Variants in DNM3 observed in about 807,000 individuals in gnomAD.
DNM3 encodes the protein dynamin 3, also known as dynamin-3.
DNM3 carries 47 observed loss-of-function variants against 101.6 expected under a neutral mutation model. The ratio of observed to expected loss-of-function variants is 0.46; its 90% CI spans 0.37 to 0.59. The LOEUF is 0.59. Ranked by LOEUF, DNM3 falls within the 20% of genes least tolerant of loss-of-function variation. The probability of loss-of-function intolerance (pLI) is 0.00; values close to 1 mark genes in which losing one functional copy is unlikely to be tolerated. For synonymous variants in DNM3, 385 were observed against 387.9 expected, an observed-to-expected ratio of 0.99 and a Z score of 0.09; for missense variants, 849 against 1,085.7, an observed-to-expected ratio of 0.78 and a Z score of 3.06.
rs72713729 is a variant in DNM3 at position 171,898,136 on chromosome 1, C to T, written c.162-23612C>T. On this transcript the variant is annotated intron_variant, in intron 1 of 20. Coordinates refer to ENST00000627582, the MANE Select transcript of DNM3 (RefSeq NM_015569.5). ...TTTACTTTTAACAATCTGGCATTTTCTACATTTTATGGATGGAAATAATAA... is the reference window on the plus strand; with the variant it reads ...TTTACTTTTAACAATCTGGCATTTTTTACATTTTATGGATGGAAATAATAA... Among the ~76,000 whole-genome samples, 434 of 152,212 alleles carry T rather than the reference C, an allele frequency of 2.9e-3. 1 individual carries two copies. The highest frequency in any genetic ancestry group is 5.3e-3 in the Non-Finnish European group (360 of 67,950).
chr1:171,907,784 G>A (rs2038954563), intron 1 of DNM3, among the ~76,000 whole-genome samples: 2 of 152,172 alleles, frequency 1.3e-5, no homozygotes, highest in Admixed American at 1.3e-4. Context: ...TGTAACTCCA[G>A]TGGGACTTAA....
chr1:172,046,516 T>C (rs1244548890), intron 9 of DNM3, among the ~76,000 whole-genome samples: 1 of 151,324 alleles, frequency 6.6e-6, no homozygotes, highest in Non-Finnish European at 1.5e-5. Context: ...GTAACTAACC[T>C]GCACATTGTG....
intron 13 of DNM3, among the ~76,000 whole-genome samples, chr1:172,097,589 T>C (rs1210386974): frequency 6.6e-6 from 1 of 151,758 alleles, no homozygotes; most frequent in Non-Finnish European, 1.5e-5. Context: ...GATGAGAACA[T>C]AGAAAGGAAT....
At chr1:172,050,805 C>T (rs1386516307) in intron 10 of DNM3, among the ~76,000 whole-genome samples, 1 of 152,136 alleles carries the variant, frequency 6.6e-6, no homozygotes, top group Non-Finnish European at 1.5e-5. Flanking sequence ...CAGATCTTGG[C>T]CTTACATCAA....
chr1:172,131,028 G>C (rs2056910118), intron 13 of DNM3, 147 bp from the exon 14 acceptor site: 1 of 676,518 alleles, frequency 1.5e-6, no homozygotes, highest in Admixed American at 2.5e-5. Flanking sequence ...AAATTCTCTT[G>C]AATAACTCAA....
intron 1 of DNM3, among the ~76,000 whole-genome samples, chr1:171,856,869 T>G (rs1057056353): frequency 6.6e-6 from 1 of 152,228 alleles, no homozygotes; most frequent in Non-Finnish European, 1.5e-5. Flanking sequence ...TTCTCTTGCC[T>G]GAAGAAGCAG....
intron 14 of DNM3, among the ~76,000 whole-genome samples, chr1:172,142,844 G>A (rs888992357): frequency 4.0e-5 from 6 of 149,630 alleles, no homozygotes; most frequent in Non-Finnish European, 7.4e-5. Flanking sequence ...TATATTTCTT[G>A]AAAAAATGAG....
intron 6 of DNM3, among the ~76,000 whole-genome samples, chr1:172,034,742 A>G (rs912336622): frequency 2.0e-5 from 3 of 152,104 alleles, no homozygotes; most frequent in Admixed American, 2.0e-4. Context: ...GATAATTTAT[A>G]TGGAAAATGC....
chr1:172,127,089 C>T (rs1340848020), intron 13 of DNM3, among the ~76,000 whole-genome samples: 1 of 152,020 alleles, frequency 6.6e-6, no homozygotes, highest in Admixed American at 6.6e-5. Context: ...CTACTGGTTG[C>T]CTCAATATCA....
intron 17 of DNM3, among the ~76,000 whole-genome samples, chr1:172,328,547 CAA>C (rs1207000393): frequency 2.0e-5 from 3 of 152,072 alleles, no homozygotes; most frequent in African/African-American, 4.8e-5. Context: ...TACCAAATAC[CAA>C]ATACCACAGG....
chr1:171,982,952 G>C (rs2044921176), intron 2 of DNM3, among the ~76,000 whole-genome samples: 1 of 152,086 alleles, frequency 6.6e-6, no homozygotes, highest in Non-Finnish European at 1.5e-5. Flanking sequence ...GCCCTGGCAT[G>C]TTTGTTTCTT....
intron 14 of DNM3, among the ~76,000 whole-genome samples, chr1:172,207,820 A>T (rs1394081286): frequency 1.3e-5 from 2 of 152,120 alleles, no homozygotes; most frequent in African/African-American, 2.4e-5. Context: ...TAGAATTTAA[A>T]AAATCACCTT....
intron 1 of DNM3, among the ~76,000 whole-genome samples, chr1:171,879,141 C>T (rs78460330): frequency 0.014 from 2,184 of 152,268 alleles, 59 homozygotes; most frequent in African/African-American, 0.048. Context: ...TGCTCACACT[C>T]AGTAAAACTA....
At chr1:172,020,536 T>C (rs538537084) in intron 4 of DNM3, among the ~76,000 whole-genome samples, 20 of 151,780 alleles carry the variant, frequency 1.3e-4, no homozygotes, top group Non-Finnish European at 2.4e-4. Flanking sequence ...CTGGCTAACA[T>C]GGTGAAACCC....
At chr1:172,210,865 G>A (rs771967143) in intron 14 of DNM3, among the ~76,000 whole-genome samples, 6 of 151,970 alleles carry the variant, frequency 3.9e-5, no homozygotes, top group South Asian at 2.1e-4. Context: ...CATTCCTAGC[G>A]ATAGCAAAAG....
chr1:171,877,777 C>A (rs952196839), intron 1 of DNM3, among the ~76,000 whole-genome samples: 1 of 152,212 alleles, frequency 6.6e-6, no homozygotes, highest in African/African-American at 2.4e-5. Context: ...GGCATGTTCT[C>A]ATTAACCCAA....
intron 8 of DNM3, 38 bp from the exon 9 acceptor site, chr1:172,044,347 A>C: frequency 6.5e-7 from 1 of 1,535,192 alleles, no homozygotes; most frequent in Non-Finnish European, 8.9e-7. Context: ...ATTCAAAGGA[A>C]TTAAGTGTCA....
At chr1:172,379,237 T>C in intron 18 of DNM3, 55 bp downstream of exon 18, 1 of 1,387,424 alleles carries the variant, frequency 7.2e-7, no homozygotes, top group Non-Finnish European at 9.8e-7. Flanking sequence ...AGTGTGGAAG[T>C]TGCACATATT....
At chr1:172,054,054 G>A (rs1309306594) in intron 10 of DNM3, among the ~76,000 whole-genome samples, 1 of 152,148 alleles carries the variant, frequency 6.6e-6, no homozygotes, top group Admixed American at 6.5e-5. Context: ...GTGAAAATAA[G>A]TAATTCCAGC....
Sources: allele counts gnomAD v4.1 joint callset (sites outside exome capture counted in the v4.1 genomes callset), GRCh38; gene constraint gnomAD v4.1.1; transcripts MANE v1.5; gene names NCBI Gene and HGNC (gene_info 2026-07-23, HGNC 2026-07-21).